The following RYR2 variants were observed in gnomAD, a reference collection of about 807,000 sequenced individuals.
RYR2 encodes the protein cardiac muscle ryanodine receptor-calcium release channel.
A neutral mutation model predicts 601.1 loss-of-function variants in RYR2; 227 were observed. That is an observed-to-expected ratio of 0.38 (90% CI 0.34 to 0.42). RYR2 has a LOEUF of 0.42. Ranked by LOEUF, RYR2 falls within the 10% of genes least tolerant of loss-of-function variation. The pLI is 1.00. For missense variants in RYR2, 4,646 were observed against 6,156.5 expected (o/e 0.75, Z 8.21); for synonymous variants, 2,223 against 2,175.1 (o/e 1.02, Z -0.61).
At chr1:237,053,824 G>A (rs758923746) in intron 1 of RYR2, among the ~76,000 whole-genome samples, 8 of 152,162 alleles carry the variant, frequency 5.3e-5, no homozygotes, top group Non-Finnish European at 1.0e-4. Flanking sequence ...CGTGTCCCAG[G>A]AGTACCATTA....
At position 237,128,141 on chromosome 1, in the gene RYR2, G is replaced by C. The variant is rs988372029; in HGVS notation, c.48+85572G>C. Among the ~76,000 whole-genome samples the C allele has an allele frequency of 4.7e-5, 7 of 149,652 alleles. No homozygotes were observed. The South Asian group carries it at 1.0e-3, about 22-fold the overall frequency. On this transcript the variant is annotated intron_variant, in intron 1 of 104. Transcript: ENST00000366574. ...ACTCCGTCTGCAATCCCGGCACCTCGGGAGGCCGAGGCTGGCGGATCACTT... is the reference window on the plus strand; with the variant it reads ...ACTCCGTCTGCAATCCCGGCACCTCCGGAGGCCGAGGCTGGCGGATCACTT...
chr1:237,500,116 A>T (rs971638211), intron 20 of RYR2, among the ~76,000 whole-genome samples: 1 of 152,210 alleles, frequency 6.6e-6, no homozygotes, highest in Non-Finnish European at 1.5e-5. Flanking sequence ...AACGTGCTGC[A>T]GGAATGAATG....
chr1:237,101,688 C>G (rs989026505), intron 1 of RYR2, among the ~76,000 whole-genome samples: 1 of 152,156 alleles, frequency 6.6e-6, no homozygotes, highest in Non-Finnish European at 1.5e-5. Flanking sequence ...TAAACACCAC[C>G]CAAACCTTTA....
rs796991031 is a variant in RYR2, at chr1:237,104,771, G to A, written c.48+62202G>A. Among the ~76,000 whole-genome samples, 9 of 152,224 alleles carry A rather than the reference G, an allele frequency of 5.9e-5. 1 individual carries two copies. Among genetic ancestry groups the A allele is most frequent in the African/African-American group, 1.4e-4 (6 of 41,542 alleles). Reference sequence around the variant, plus strand: ...CCCGCCTAGACCCCCATCTCCCTACGGATAGGAAAGGAGTCTCCTCCTCAT... The same window carrying A: ...CCCGCCTAGACCCCCATCTCCCTACAGATAGGAAAGGAGTCTCCTCCTCAT... On this transcript the variant is annotated intron_variant, in intron 1 of 104. Coordinates refer to ENST00000366574, the MANE Select transcript of RYR2 (RefSeq NM_001035.3).
At chr1:237,053,808 G>A (rs1661593137) in intron 1 of RYR2, among the ~76,000 whole-genome samples, 2 of 152,292 alleles carry the variant, frequency 1.3e-5, no homozygotes, top group Non-Finnish European at 2.9e-5. Flanking sequence ...TGAGGAGGGA[G>A]GGATCCGTGT....
At chr1:237,068,176 T>C (rs748470643) in intron 1 of RYR2, among the ~76,000 whole-genome samples, 9 of 152,044 alleles carry the variant, frequency 5.9e-5, no homozygotes, top group Non-Finnish European at 1.2e-4. Flanking sequence ...TTCGTTGTTT[T>C]TTAAAAAAAC....
chr1:237,148,520 AAAAAAAAATATATAT>A (rs1256747900), intron 1 of RYR2, among the ~76,000 whole-genome samples: 1 of 40,930 alleles, frequency 2.4e-5, no homozygotes, highest in Non-Finnish European at 4.8e-5. Context: ...TCAAGTAAAA[AAAAAAAAATATATAT>A]ATATATATAT....
chr1:237,765,126 G>A (rs1244604788), intron 84 of RYR2, among the ~76,000 whole-genome samples: 1 of 151,278 alleles, frequency 6.6e-6, no homozygotes, highest in Non-Finnish European at 1.5e-5. Context: ...ATATTTATAT[G>A]TGTTTTCTTT....
chr1:237,309,780 G>T (rs1287859037), intron 2 of RYR2, among the ~76,000 whole-genome samples: 1 of 152,198 alleles, frequency 6.6e-6, no homozygotes, highest in African/African-American at 2.4e-5. Context: ...CTGCGGGGAG[G>T]CAGCTGAGGC....
intron 1 of RYR2, among the ~76,000 whole-genome samples, chr1:237,216,511 G>A (rs1342874554): frequency 6.6e-6 from 1 of 152,040 alleles, no homozygotes; most frequent in Non-Finnish European, 1.5e-5. Flanking sequence ...GCTGAGGCAG[G>A]CGGAGCACCT....
At position 237,368,848 on chromosome 1, in the gene RYR2, G is replaced by A. The variant is rs926970850; in HGVS notation, c.310-686G>A. Among the ~76,000 whole-genome samples, 60 of 147,812 alleles carry A rather than the reference G, an allele frequency of 4.1e-4. No homozygotes were observed. In the Middle Eastern group the frequency reaches 0.01, roughly 25 times the overall value. The stretch of plus-strand genomic sequence containing the variant: ...ATTTATTTATTTATTTATTAAGATA[G>A]AGTCCTGCTCTGTTGCCCAGGCTGG... On this transcript the variant is annotated intron_variant, in intron 5 of 104. Transcript: ENST00000366574.
At chr1:237,257,182 A>G (rs774861401) in intron 1 of RYR2, among the ~76,000 whole-genome samples, 13 of 152,272 alleles carry the variant, frequency 8.5e-5, no homozygotes, top group Non-Finnish European at 1.6e-4. Flanking sequence ...GGCTAGGAGC[A>G]TAGATTTTGG....
chr1:237,604,965 A>G (rs905932091), intron 35 of RYR2, among the ~76,000 whole-genome samples: 2 of 152,120 alleles, frequency 1.3e-5, no homozygotes, highest in African/African-American at 2.4e-5. Flanking sequence ...AGGACCAGAC[A>G]GATTCACAGC....
chr1:237,491,743 C>A (rs1572568566), intron 17 of RYR2, 63 bp from the exon 18 acceptor site: 2 of 764,324 alleles, frequency 2.6e-6, no homozygotes, highest in Non-Finnish European at 4.5e-6. Flanking sequence ...AAAAGGAAGA[C>A]ACTGGTCATT....
chr1:237,634,612 C>T (rs1482236865), intron 43 of RYR2, among the ~76,000 whole-genome samples: 1 of 152,164 alleles, frequency 6.6e-6, no homozygotes, highest in Non-Finnish European at 1.5e-5. Flanking sequence ...TGAGTGTTTT[C>T]ACCACACAAA....
Position 237,757,704 on chromosome 1 carries a change from T to C in RYR2, c.11253T>C (p.Thr3751=). 1.2e-6 allele frequency: 2 copies of C among 1,607,586 alleles called. No homozygotes were observed. The highest frequency in any genetic ancestry group is 2.2e-5 in the East Asian group (1 of 44,786). Reference sequence around the variant, plus strand: ...CTTTTTTATATTTCTTAGGTGAAACTGGACCAATGGTAGCAGCTACTCTGA... The same window carrying C: ...CTTTTTTATATTTCTTAGGTGAAACCGGACCAATGGTAGCAGCTACTCTGA... The part of the protein sequence containing the change: ...LQTISASKGE[T]GPMVAATLKL... Residue 3751 remains threonine (T), a synonymous_variant, in exon 82 of 105, where the codon ACT becomes ACC. Coordinates refer to ENST00000366574, the MANE Select transcript of RYR2 (RefSeq NM_001035.3).
intron 1 of RYR2, among the ~76,000 whole-genome samples, chr1:237,086,898 C>A (rs1209929522): frequency 6.6e-6 from 1 of 152,126 alleles, no homozygotes; most frequent in African/African-American, 2.4e-5. Context: ...TACTAATGGA[C>A]AAGTTGGTGC....
chr1:237,593,032 A>AC (rs1398147170), intron 32 of RYR2, among the ~76,000 whole-genome samples: 1 of 152,090 alleles, frequency 6.6e-6, no homozygotes, highest in Admixed American at 6.6e-5. Context: ...AAAAAAAAAA[A>AC]AAAAAGTGAA....
intron 19 of RYR2, among the ~76,000 whole-genome samples, chr1:237,493,666 A>C (rs961736136): frequency 3.3e-5 from 5 of 152,038 alleles, no homozygotes; most frequent in Admixed American, 1.3e-4. Flanking sequence ...GTTAGCCAGG[A>C]TGGTCTCGAA....
Sources: gnomAD v4.1 joint callset for allele counts (sites outside exome capture counted in the v4.1 genomes callset) on GRCh38, gnomAD v4.1.1 for gene constraint, MANE v1.5 for transcripts, NCBI Gene and HGNC (gene_info 2026-07-23, HGNC 2026-07-21) for gene names.